Variants in NRG3 observed in about 807,000 individuals in gnomAD.
NRG3 encodes the protein pro-neuregulin-3, membrane-bound isoform.
Under a neutral mutation model 66.9 loss-of-function variants are expected in NRG3, and 31 were observed. That is an observed-to-expected ratio of 0.46 (90% CI 0.35 to 0.63). The LOEUF (loss-of-function observed/expected upper bound fraction) is 0.63, where lower values mean the gene tolerates loss of function less well. Among genes scored for constraint, NRG3 ranks in the 20% least tolerant of loss-of-function variants. NRG3 has a pLI of 0.00. For missense variants in NRG3, 910 were observed against 878.9 expected (o/e 1.04, Z -0.45); for synonymous variants, 393 against 359.4 (o/e 1.09, Z -1.06).
chr10:81,883,033 G>A (rs1193338302), intron 1 of NRG3, among the ~76,000 whole-genome samples: 1 of 152,118 alleles, frequency 6.6e-6, no homozygotes, highest in Non-Finnish European at 1.5e-5. Flanking sequence ...AAACATTCTT[G>A]ATAAAGCAAA....
intron 3 of NRG3, among the ~76,000 whole-genome samples, chr10:82,838,670 A>AT (rs34652845): frequency 0.47 from 71,264 of 151,874 alleles, 17,018 homozygotes; most frequent in African/African-American, 0.51. Flanking sequence ...ATTTATGAAT[A>AT]TGACTTCATT....
At chr10:82,011,744 G>C (rs984005399) in intron 1 of NRG3, among the ~76,000 whole-genome samples, 6 of 152,156 alleles carry the variant, frequency 3.9e-5, no homozygotes, top group African/African-American at 7.2e-5. Context: ...TCAAATTTTA[G>C]AGCTCCAAAA....
At chr10:82,534,266 TG>T (rs998556517) in intron 2 of NRG3, among the ~76,000 whole-genome samples, 53 of 151,238 alleles carry the variant, frequency 3.5e-4, no homozygotes, top group African/African-American at 1.1e-3. Flanking sequence ...AAATCCATTT[TG>T]TTTTTTTTTT....
intron 1 of NRG3, among the ~76,000 whole-genome samples, chr10:81,883,421 A>T (rs904805806): frequency 1.3e-4 from 20 of 152,166 alleles, no homozygotes; most frequent in African/African-American, 4.8e-4. Context: ...TCCTGGGCCT[A>T]AAAAGGGATC....
At chr10:82,537,494 T>C in intron 2 of NRG3, among the ~76,000 whole-genome samples, 1 of 152,186 alleles carries the variant, frequency 6.6e-6, no homozygotes, top group East Asian at 1.9e-4. Context: ...GGCCTTGCCT[T>C]GCACCTTTAA....
chr10:82,579,076 G>A (rs1294827653), intron 2 of NRG3, among the ~76,000 whole-genome samples: 1 of 151,674 alleles, frequency 6.6e-6, no homozygotes, highest in Non-Finnish European at 1.5e-5. Context: ...TTTCCATTCA[G>A]TCTACTTTAT....
At chr10:82,019,874 T>G (rs905148778) in intron 1 of NRG3, among the ~76,000 whole-genome samples, 33 of 152,086 alleles carry the variant, frequency 2.2e-4, no homozygotes, top group Admixed American at 1.3e-3. Context: ...TTTGTTGATC[T>G]TTTCAAAAAA....
At chr10:82,827,173 C>A in intron 3 of NRG3, 1 of 316,202 alleles carries the variant, frequency 3.2e-6, no homozygotes, top group South Asian at 2.4e-5. Context: ...ATCTTCATAG[C>A]CCATATGTGA....
chr10:82,727,678 G>T (rs370512233), intron 2 of NRG3, among the ~76,000 whole-genome samples: 30 of 152,226 alleles, frequency 2.0e-4, no homozygotes, highest in African/African-American at 7.2e-4. Context: ...CCTTCACACA[G>T]AGTCCCTACT....
chr10:82,439,901 T>G (rs1410415485), intron 2 of NRG3, among the ~76,000 whole-genome samples: 1 of 152,074 alleles, frequency 6.6e-6, no homozygotes, highest in African/African-American at 2.4e-5. Context: ...TGATAGGTTT[T>G]ATTGTTGTTA....
chr10:82,596,961 C>T, intron 2 of NRG3, among the ~76,000 whole-genome samples: 1 of 152,124 alleles, frequency 6.6e-6, no homozygotes, highest in East Asian at 1.9e-4. Flanking sequence ...TCATTCTTCC[C>T]CCCACCCTGT....
At chr10:82,233,956 T>C (rs762545166) in intron 1 of NRG3, among the ~76,000 whole-genome samples, 4 of 152,146 alleles carry the variant, frequency 2.6e-5, no homozygotes, top group Admixed American at 6.5e-5. Context: ...GCCGCTTTCA[T>C]CTTACCCCTT....
chr10:82,405,060 G>A (rs1328575512), intron 2 of NRG3, among the ~76,000 whole-genome samples: 1 of 152,102 alleles, frequency 6.6e-6, no homozygotes, highest in Non-Finnish European at 1.5e-5. Context: ...ATGAATATTT[G>A]GAACAAATGA....
intron 1 of NRG3, among the ~76,000 whole-genome samples, chr10:82,275,535 G>A: frequency 6.6e-6 from 1 of 151,998 alleles, no homozygotes; most frequent in East Asian, 1.9e-4. Flanking sequence ...GGATTAATGT[G>A]ATTTTCAGCA....
At chr10:82,942,056 C>T (rs1848623267) in intron 4 of NRG3, among the ~76,000 whole-genome samples, 1 of 151,436 alleles carries the variant, frequency 6.6e-6, no homozygotes, top group Non-Finnish European at 1.5e-5. Flanking sequence ...AAGATCAGCA[C>T]ATTTATGGAC....
intron 3 of NRG3, among the ~76,000 whole-genome samples, chr10:82,851,922 G>C (rs1372074988): frequency 1.3e-5 from 2 of 152,118 alleles, no homozygotes; most frequent in African/African-American, 4.8e-5. Context: ...AGAGTATGTA[G>C]ATATAAAACA....
At chr10:82,936,636 G>A (rs1255513378) in intron 4 of NRG3, among the ~76,000 whole-genome samples, 1 of 152,162 alleles carries the variant, frequency 6.6e-6, no homozygotes, top group Non-Finnish European at 1.5e-5. Context: ...TGATAACCAT[G>A]TGAGGTAATG....
chr10:82,711,614 G>T (rs1460450040), intron 2 of NRG3, among the ~76,000 whole-genome samples: 1 of 151,482 alleles, frequency 6.6e-6, no homozygotes, highest in African/African-American at 2.4e-5. Flanking sequence ...TATGATTGGT[G>T]GTCCTATGAT....
At chr10:82,422,545 C>T (rs1264504667) in intron 2 of NRG3, among the ~76,000 whole-genome samples, 2 of 151,988 alleles carry the variant, frequency 1.3e-5, no homozygotes, top group Non-Finnish European at 1.5e-5. Context: ...TTATTATCAG[C>T]AATGCTTCTT....
Sources: allele counts gnomAD v4.1 joint callset (sites outside exome capture counted in the v4.1 genomes callset), GRCh38; gene constraint gnomAD v4.1.1; transcripts MANE v1.5; gene names NCBI Gene and HGNC (gene_info 2026-07-23, HGNC 2026-07-21).